CD6: variants seen among roughly 807,000 people sequenced by gnomAD.
CD6 encodes the protein CD6 molecule.
CD6 carries 53 observed loss-of-function variants against 75.3 expected under a neutral mutation model. The ratio of observed to expected loss-of-function variants is 0.70; its 90% CI spans 0.56 to 0.88. The LOEUF (loss-of-function observed/expected upper bound fraction) is 0.88. Ranked by LOEUF, CD6 falls within the 40% of genes least tolerant of loss-of-function variation. CD6 has a pLI of 0.00. For missense variants in CD6, 770 were observed against 897.1 expected, an observed-to-expected ratio of 0.86 and a Z score of 1.81; for synonymous variants, 359 against 381.5, an observed-to-expected ratio of 0.94 and a Z score of 0.69.
intron 1 of CD6, among the ~76,000 whole-genome samples, chr11:60,978,684 A>C (rs774791231): frequency 3.4e-4 from 52 of 152,150 alleles, no homozygotes; most frequent in Non-Finnish European, 5.7e-4. Context: ...GCCACTAGAC[A>C]CTTAGCCCTA....
At chr11:60,999,474 A>T (rs1858470247) in intron 1 of CD6, among the ~76,000 whole-genome samples, 1 of 151,688 alleles carries the variant, frequency 6.6e-6, no homozygotes, top group Non-Finnish European at 1.5e-5. Flanking sequence ...GAAAACCTTC[A>T]GAAGCTTAAA....
At chr11:60,972,748 T>A (rs1455311930) in intron 1 of CD6, among the ~76,000 whole-genome samples, 1 of 152,030 alleles carries the variant, frequency 6.6e-6, no homozygotes, top group African/African-American at 2.4e-5. Context: ...GAGAGCCAAG[T>A]GCTTTCATTT....
intron 1 of CD6, among the ~76,000 whole-genome samples, chr11:60,978,603 A>G (rs1395269766): frequency 6.6e-6 from 1 of 152,158 alleles, no homozygotes; most frequent in African/African-American, 2.4e-5. Context: ...ACATGCTTGT[A>G]CTTTATGTAT....
rs1857188685 is a variant in CD6, at chr11:60,971,725, C to CAG, written c.-133_-132dup. 1.3e-6 allele frequency: 1 copy of CAG among 747,692 alleles called. No homozygotes were observed. Among genetic ancestry groups the CAG allele is most frequent in the African/African-American group, 1.7e-5 (1 of 57,882 alleles). 46.3% of individuals were successfully genotyped at this position (747,692 alleles called of 1,614,324 possible). On this transcript the variant is annotated 5_prime_UTR_variant, in exon 1 of 13. An upstream open reading frame in the 5' UTR gains an earlier in-frame stop. Coordinates refer to ENST00000313421, the MANE Select transcript of CD6 (RefSeq NM_006725.5). ...CGCATGCGTGTCGGAGAGGAGAGAG[C>CAG]AGAGAGAGACACAGGAACAAGAACA...
chr11:60,977,625 C>T (rs1162137689), intron 1 of CD6, among the ~76,000 whole-genome samples: 2 of 152,108 alleles, frequency 1.3e-5, no homozygotes, highest in Admixed American at 6.6e-5. Context: ...TAATTTCCCT[C>T]CTTTTTCTTT....
At chr11:61,011,886 T>C (rs10897134) in intron 6 of CD6, among the ~76,000 whole-genome samples, 21,624 of 152,278 alleles carry the variant, frequency 0.14, 1,837 homozygotes, top group Non-Finnish European at 0.19. Context: ...GATAAGCATA[T>C]AGTACTTTCT....
intron 9 of CD6, 123 bp downstream of exon 9, chr11:61,015,958 G>C (rs1475108094): frequency 4.1e-6 from 5 of 1,227,646 alleles, no homozygotes; most frequent in Middle Eastern, 2.6e-4. Context: ...AATCCCCCTG[G>C]TTACCCACTG....
At chr11:61,006,264 A>G (rs1257826960) in intron 1 of CD6, among the ~76,000 whole-genome samples, 1 of 152,190 alleles carries the variant, frequency 6.6e-6, no homozygotes, top group East Asian at 1.9e-4. Context: ...TAAGTCACCC[A>G]TTCATGGTCA....
At chr11:61,004,561 G>T (rs946242769) in intron 1 of CD6, 1 of 152,280 alleles carries the variant, frequency 6.6e-6, no homozygotes, top group East Asian at 1.9e-4. Flanking sequence ...CCTGGAGAGG[G>T]CTGTCTGCCA....
In CD6 at chr11:61,007,197, G is replaced by A. The variant is rs1858902485; in HGVS notation, c.119-363G>A. On this transcript the variant is annotated intron_variant, in intron 2 of 12. Transcript: ENST00000313421. The surrounding 1 kb of genome is among the most constrained non-coding windows in gnomAD (Gnocchi z 4.2). ...AGAGGGGCCTTCAGGGGAAGCATGC[G>A]CCCACTGGACCAGGGCCCCTGAACT... 6.6e-6 allele frequency among the ~76,000 whole-genome samples: 1 copy of A among 152,064 alleles called. No individual in the cohort carries two copies. Among genetic ancestry groups the A allele is most frequent in the African/African-American group, 2.4e-5 (1 of 41,410 alleles).
At chr11:61,011,427 G>A (rs972173466) in intron 6 of CD6, among the ~76,000 whole-genome samples, 1 of 147,620 alleles carries the variant, frequency 6.8e-6, no homozygotes, top group African/African-American at 2.4e-5. Context: ...GAAAGAGCTG[G>A]AGAGAGCTGA....
Position 61,008,516 on chromosome 11 carries a change from A to C in CD6, c.470-18A>C. ...CTGGTCGGGTGCCCCAGCATCCACA[A>C]CCCCCTCCCACCCCTAGAGAACCGC... On this transcript the variant is annotated intron_variant, in intron 3 of 12. Transcript: ENST00000313421. 1 of 1,563,940 alleles carries C rather than the reference A, an allele frequency of 6.4e-7. No homozygotes were observed. The highest frequency in any genetic ancestry group is 2.3e-5 in the East Asian group (1 of 43,004).
At chr11:60,972,520 C>T (rs555010233) in intron 1 of CD6, among the ~76,000 whole-genome samples, 25 of 152,182 alleles carry the variant, frequency 1.6e-4, no homozygotes, top group Non-Finnish European at 3.5e-4. Context: ...CCACCTGGGC[C>T]AGGGAATCAG....
chr11:61,014,169 C>T (rs1011319707), intron 8 of CD6, among the ~76,000 whole-genome samples, 155 bp downstream of exon 8: 4 of 152,198 alleles, frequency 2.6e-5, no homozygotes, highest in African/African-American at 4.8e-5. Context: ...TGAGCAGGCT[C>T]AAGTCGTCCC....
intron 1 of CD6, among the ~76,000 whole-genome samples, chr11:60,973,889 T>A (rs1857277389): frequency 6.6e-6 from 1 of 152,160 alleles, no homozygotes; most frequent in Non-Finnish European, 1.5e-5. Flanking sequence ...GACTGCACCT[T>A]CAAGCAGCCC....
chr11:61,004,164 C>T (rs1858732822), intron 1 of CD6, among the ~76,000 whole-genome samples: 1 of 152,160 alleles, frequency 6.6e-6, no homozygotes, highest in Non-Finnish European at 1.5e-5. Flanking sequence ...TAAAGCCCCC[C>T]TGCCCCACAC....
intron 1 of CD6, among the ~76,000 whole-genome samples, chr11:61,000,653 T>G (rs1858536258): frequency 6.6e-6 from 1 of 152,224 alleles, no homozygotes; most frequent in Non-Finnish European, 1.5e-5. Context: ...CAGCTTTCCC[T>G]CGATGTCTAT....
Position 61,007,568 on chromosome 11 carries a change from C to T in CD6, c.127C>T (p.Leu43Phe), listed in dbSNP as rs1196201259. 5 of 1,498,854 alleles carry T rather than the reference C, an allele frequency of 3.3e-6. No individual in the cohort carries two copies. The South Asian group carries it at 5.0e-5, about 15-fold the overall frequency. The allele number at this position is 1,498,854 out of a possible 1,614,324, so 92.8% of individuals were successfully genotyped here. Reference sequence around the variant, plus strand: ...TGGTCTGACACTTCCAGGGGAGCGGCTTCCGGTCCGTCTGACAAACGGGAG... The same window carrying T: ...TGGTCTGACACTTCCAGGGGAGCGGTTTCCGGTCCGTCTGACAAACGGGAG... ...ESELWEPGER[L>F]PVRLTNGSSS... Residue 43 changes from leucine (L) to phenylalanine (F), a missense_variant, in exon 3 of 13, where the codon CTT becomes TTT. By Grantham distance (22) the Leu-to-Phe change is conservative. Transcript: ENST00000313421. The surrounding 1 kb of genome is among the most constrained non-coding windows in gnomAD (Gnocchi z 4.2).
Position 61,009,656 on chromosome 11 carries a change from T to C in CD6, c.866T>C (p.Val289Ala). ...CACTTCCGAGGGGTCTGGAACACAG[T>C]GTGTGACAGTGAGTGGTACCCATCG... is the stretch of plus-strand genomic sequence containing the variant. ...EVHFRGVWNTVCDSEWYPSEA... is the reference protein window; with the variant it reads ...EVHFRGVWNTACDSEWYPSEA... Residue 289 changes from valine (V) to alanine (A), a missense_variant, in exon 5 of 13, where the codon GTG (valine) becomes GCG (alanine). Transcript: ENST00000313421. 6.2e-7 allele frequency: 1 copy of C among 1,613,962 alleles called. No individual in the cohort carries two copies. The highest frequency in any genetic ancestry group is 8.5e-7 in the Non-Finnish European group (1 of 1,179,996).
Sources: allele counts gnomAD v4.1 joint callset (sites outside exome capture counted in the v4.1 genomes callset), GRCh38; gene constraint gnomAD v4.1.1; non-coding constraint Gnocchi (gnomAD v3.1); transcripts MANE v1.5; gene names NCBI Gene and HGNC (gene_info 2026-07-23, HGNC 2026-07-21).